Variants in SEL1L3 observed in about 807,000 individuals in gnomAD.
SEL1L3 encodes SEL1L family member 3.
A neutral mutation model predicts 142.8 loss-of-function variants in SEL1L3; 76 were observed. The ratio of observed to expected loss-of-function variants is 0.53; its 90% confidence interval spans 0.44 to 0.64. The LOEUF is 0.64. Ranked by LOEUF, SEL1L3 falls within the 30% of genes least tolerant of loss-of-function variation. The pLI is 0.00. For missense variants in SEL1L3, 1,262 were observed against 1,381.7 expected (o/e 0.91, Z 1.37); for synonymous variants, 504 against 519.6 (o/e 0.97, Z 0.41).
chr4:25,787,399 CA>C (rs1711925143), intron 13 of SEL1L3, among the ~76,000 whole-genome samples: 1 of 152,194 alleles, frequency 6.6e-6, no homozygotes, highest in African/African-American at 2.4e-5. Context: ...TGGCTCACTG[CA>C]ACCTCTGCCT....
At chr4:25,848,646 G>T (rs1007356251) in intron 1 of SEL1L3, among the ~76,000 whole-genome samples, 2 of 152,164 alleles carry the variant, frequency 1.3e-5, no homozygotes, top group African/African-American at 4.8e-5. Flanking sequence ...ATAGAAAAAG[G>T]TCACTTTGGA....
At chr4:25,721,072 G>A in the SEL1L3 span, 1 of 152,236 alleles carries the variant, frequency 6.6e-6, no homozygotes, top group South Asian at 2.1e-4. Flanking sequence ...AAATTAATCA[G>A]TATTAGTATA....
chr4:25,844,585 G>A (rs550026385), intron 2 of SEL1L3, among the ~76,000 whole-genome samples: 1 of 152,278 alleles, frequency 6.6e-6, no homozygotes, highest in Admixed American at 6.5e-5. Flanking sequence ...GCATATTCAG[G>A]TGCCCTAAGA....
the SEL1L3 span, among the ~76,000 whole-genome samples, chr4:25,714,529 T>TTTCTTTCTTTCTTTC: frequency 7.0e-6 from 1 of 143,304 alleles, no homozygotes; most frequent in African/African-American, 2.7e-5. Flanking sequence ...TCTTTCTTTC[T>TTTCTTTCTTTCTTTC]TTCTTTCTTT....
At chr4:25,722,623 G>GATTTTTTTTTTTTTTTTT in the SEL1L3 span, among the ~76,000 whole-genome samples, 2 of 125,124 alleles carry the variant, frequency 1.6e-5, no homozygotes, top group African/African-American at 9.2e-5. Flanking sequence ...TCCAAAGGAG[G>GATTTTTTTTTTTTTTTTT]CTTTTTTTTT....
chr4:25,852,831 G>A (rs563169029), intron 1 of SEL1L3, among the ~76,000 whole-genome samples: 1 of 152,272 alleles, frequency 6.6e-6, no homozygotes, highest in Non-Finnish European at 1.5e-5. Flanking sequence ...AATTTTTTGA[G>A]TAGGGATAAG....
rs373131716 is a variant in SEL1L3, at chr4:25,765,386, T to C, written c.2895A>G (p.Ser965=). ...TCTGCACAGACAACTCCAGGTCTTG[T>C]GACTGGTTTTGGTGGCCATAGTAGT... ...DLYYYGHQNQ[S]QDLELSVQMY... Residue 965 remains serine (S), a synonymous_variant, in exon 20 of 24, where the codon TCA becomes TCG. Transcript: ENST00000399878. 2.2e-5 allele frequency: 36 copies of C among 1,613,834 alleles called. No individual in the cohort carries two copies. Among genetic ancestry groups the C allele is most frequent in the Middle Eastern group, 1.6e-4 (1 of 6,084 alleles).
At position 25,819,817 on chromosome 4, in the gene SEL1L3, G is replaced by T. The variant is rs780474585; in HGVS notation, c.1414C>A (p.Gln472Lys). ...ASAAKHGGER[Q>K]EACHLHNSYL... ...GAAGCTCAACACTTACATGCTTCTTGTCTCTCGCCCCCGTGCTTTGCTGCA... is the reference window on the plus strand; with the variant it reads ...GAAGCTCAACACTTACATGCTTCTTTTCTCTCGCCCCCGTGCTTTGCTGCA... The change falls in exon 8 of 24, where the codon CAA becomes AAA. Residue 472 changes from glutamine to lysine, a missense_variant. Gln to Lys is a moderately conservative substitution (Grantham distance 53). Around this residue, in one of 3 missense-constraint regions of SEL1L3, gnomAD observed 689 missense variants for 692.8 expected, o/e 0.99. Coordinates refer to ENST00000399878, the MANE Select transcript of SEL1L3 (RefSeq NM_015187.5). The T allele has an allele frequency of 4.3e-6, 7 of 1,611,526 alleles. No individual in the cohort carries two copies. Among genetic ancestry groups the T allele is most frequent in the Non-Finnish European group, 5.9e-6 (7 of 1,179,036 alleles).
At chr4:25,714,738 T>C in the SEL1L3 span, among the ~76,000 whole-genome samples, 2 of 152,050 alleles carry the variant, frequency 1.3e-5, no homozygotes, top group African/African-American at 4.8e-5. Flanking sequence ...GCCCGGCTAA[T>C]TTTTGTATTT....
chr4:25,821,938 C>G (rs1286518875), intron 7 of SEL1L3, 58 bp downstream of exon 7: 2 of 1,569,178 alleles, frequency 1.3e-6, no homozygotes, highest in African/African-American at 1.4e-5. Flanking sequence ...TGGCACACCC[C>G]TGAGGCCCAC....
chr4:25,737,543 C>T, the SEL1L3 span, among the ~76,000 whole-genome samples: 1 of 152,066 alleles, frequency 6.6e-6, no homozygotes, highest in African/African-American at 2.4e-5. Context: ...TAACCCTAGG[C>T]CTCTCAAAGG....
chr4:25,845,319 A>T (rs1161394083), intron 2 of SEL1L3, among the ~76,000 whole-genome samples: 2 of 152,118 alleles, frequency 1.3e-5, no homozygotes, highest in Non-Finnish European at 1.5e-5. Flanking sequence ...ACATAGGAAG[A>T]CCCCATCTCT....
intron 1 of SEL1L3, among the ~76,000 whole-genome samples, chr4:25,856,802 A>T (rs760399916): frequency 1.3e-5 from 2 of 152,196 alleles, no homozygotes; most frequent in Non-Finnish European, 2.9e-5. Context: ...AAGAAAATCA[A>T]TAAGAAGAGA....
chr4:25,809,622 C>T lies in SEL1L3; in HGVS notation c.1565-4870G>A, dbSNP rs546077899. Among the ~76,000 whole-genome samples, 12 of 152,230 alleles carry T rather than the reference C, an allele frequency of 7.9e-5. No individual in the cohort carries two copies. In the South Asian group the frequency reaches 2.5e-3, roughly 32 times the overall value. On this transcript the variant is annotated intron_variant, in intron 9 of 23. Coordinates refer to ENST00000399878, the MANE Select transcript of SEL1L3 (RefSeq NM_015187.5). The stretch of plus-strand genomic sequence containing the variant: ...CTGATTTTACACGTCATTTTTCTCC[C>T]TGCCTTCTTCTTTTCCTTCCCTCCT...
Position 25,862,711 on chromosome 4 carries a change from G to A in SEL1L3, c.126C>T (p.Gly42=). 7 of 1,297,572 alleles carry A rather than the reference G, an allele frequency of 5.4e-6. No homozygotes were observed. The highest frequency in any genetic ancestry group is 6.9e-6 in the Non-Finnish European group (7 of 1,020,340). 80.4% of individuals were successfully genotyped at this position (1,297,572 alleles called of 1,614,324 possible). A position where few individuals can be genotyped will look rare whatever the true frequency, so the allele number is the denominator to read the frequency against. ...GCAGGAGCAGCGCGCAGGCAGAGCG[G>A]CCGCCGAGGCCCTGGGGGACGCCGC... ...PSGGVPQGLG[G]RSACALLLLC... is the part of the protein sequence containing the mutation. Residue 42 remains glycine, a synonymous_variant, in exon 1 of 24, where the codon GGC becomes GGT. Transcript: ENST00000399878.
At chr4:25,848,196 G>C (rs1241572889) in intron 1 of SEL1L3, among the ~76,000 whole-genome samples, 2 of 152,230 alleles carry the variant, frequency 1.3e-5, no homozygotes, top group African/African-American at 4.8e-5. Context: ...AGTAGCAAGG[G>C]AACCTGCCTT....
At position 25,859,235 on chromosome 4, in the gene SEL1L3, C is replaced by T. The variant is rs540863266; in HGVS notation, c.162+3440G>A. 2.0e-5 allele frequency among the ~76,000 whole-genome samples: 3 copies of T among 152,326 alleles called. No individual in the cohort carries two copies. In the South Asian group the frequency reaches 6.2e-4, roughly 32 times the overall value. On this transcript the variant is annotated intron_variant, in intron 1 of 23. Transcript: ENST00000399878. ...TCAGCACCCGCGACCTCAGTGGAAGCAATTTCATTATCTTTTGCTTTCGAG... is the reference window on the plus strand; with the variant it reads ...TCAGCACCCGCGACCTCAGTGGAAGTAATTTCATTATCTTTTGCTTTCGAG...
At chr4:25,859,437 C>T (rs1717532597) in intron 1 of SEL1L3, among the ~76,000 whole-genome samples, 1 of 152,188 alleles carries the variant, frequency 6.6e-6, no homozygotes, top group African/African-American at 2.4e-5. Flanking sequence ...TAGCTACAGA[C>T]ACAGTACTCT....
intron 1 of SEL1L3, among the ~76,000 whole-genome samples, chr4:25,859,264 C>T (rs560764198): frequency 1.3e-5 from 2 of 152,354 alleles, no homozygotes; most frequent in Non-Finnish European, 2.9e-5. Context: ...TTTCGAGGCC[C>T]TCTCCCTCTC....
Sources: gnomAD v4.1 joint callset for allele counts (sites outside exome capture counted in the v4.1 genomes callset) on GRCh38, gnomAD v4.1.1 for gene constraint, gnomAD v4.1.1 regional missense constraint, MANE v1.5 for transcripts, NCBI Gene and HGNC (gene_info 2026-07-23, HGNC 2026-07-21) for gene names.